The following AUH variants were observed in gnomAD, a reference collection of about 807,000 sequenced individuals.
The protein encoded by AUH is methylglutaconyl-CoA hydratase, mitochondrial.
In AUH, 29 loss-of-function variants were observed where a neutral mutation model predicts 42.3. The ratio of observed to expected loss-of-function variants is 0.69; its 90% CI spans 0.51 to 0.93. The LOEUF is 0.93. Ranked by LOEUF, AUH falls within the 40% of genes least tolerant of loss-of-function variation. The pLI is 0.00. For synonymous variants in AUH, 174 were observed against 166.4 expected, an observed-to-expected ratio of 1.05 and a Z score of -0.35; for missense variants, 452 against 438.1, an observed-to-expected ratio of 1.03 and a Z score of -0.28.
chr9:91,294,588 T>C (rs975641040), intron 6 of AUH: 2 of 405,264 alleles, frequency 4.9e-6, no homozygotes, highest in Admixed American at 2.8e-5. Flanking sequence ...CATAAGGCTA[T>C]AGCTGCCATA....
chr9:91,269,129 C>A (rs929814390), intron 6 of AUH, among the ~76,000 whole-genome samples: 1 of 152,054 alleles, frequency 6.6e-6, no homozygotes, highest in Non-Finnish European at 1.5e-5. Flanking sequence ...TACAGGCGTG[C>A]GCCACCATGC....
At chr9:91,236,537 T>C (rs922702606) in intron 6 of AUH, among the ~76,000 whole-genome samples, 3 of 152,024 alleles carry the variant, frequency 2.0e-5, no homozygotes, top group African/African-American at 4.8e-5. Context: ...AGGGAAATGA[T>C]TGAGAGTGAG....
At chr9:91,258,842 T>C (rs1829551038) in intron 6 of AUH, among the ~76,000 whole-genome samples, 1 of 152,236 alleles carries the variant, frequency 6.6e-6, no homozygotes, top group Admixed American at 6.5e-5. Context: ...CTGTTAAAAT[T>C]GTGAATTGTA....
chr9:91,230,915 C>A (rs7031965), intron 6 of AUH, among the ~76,000 whole-genome samples: 35,434 of 152,046 alleles, frequency 0.23, 4,517 homozygotes, highest in East Asian at 0.33. Context: ...GCCCGTTCTC[C>A]GATCTCCAGC....
At chr9:91,298,929 G>A (rs532128913) in intron 4 of AUH, among the ~76,000 whole-genome samples, 1 of 152,242 alleles carries the variant, frequency 6.6e-6, no homozygotes, top group Non-Finnish European at 1.5e-5. Context: ...TTTTAAAAAG[G>A]TAATATCGGC....
chr9:91,228,862 T>C (rs1396404759), intron 6 of AUH, among the ~76,000 whole-genome samples: 1 of 152,224 alleles, frequency 6.6e-6, no homozygotes, highest in East Asian at 1.9e-4. Context: ...AGTTGAGCAG[T>C]TTTGAGTGAG....
chr9:91,258,638 C>G (rs1441909075), intron 6 of AUH, among the ~76,000 whole-genome samples: 3 of 152,204 alleles, frequency 2.0e-5, no homozygotes, highest in African/African-American at 7.2e-5. Context: ...TTTACTTCCC[C>G]TTTTAGCAGA....
rs570505511 is a variant in AUH, at chr9:91,338,680, C to A, written c.419-13276G>T. The stretch of plus-strand genomic sequence containing the variant: ...TCCTGACCTCAGGTGATCCACCCAC[C>A]TGGGCCTCCCAAAGTGCTGGGAAGA... On this transcript the variant is annotated intron_variant, in intron 3 of 9. Coordinates refer to ENST00000375731, the MANE Select transcript of AUH (RefSeq NM_001698.3). Among the ~76,000 whole-genome samples the A allele has an allele frequency of 6.6e-5, 10 of 152,360 alleles. No individual in the cohort carries two copies. The South Asian group carries it at 2.1e-3, about 32-fold the overall frequency.
chr9:91,256,665 T>G (rs1295083074), intron 6 of AUH, among the ~76,000 whole-genome samples: 1 of 152,052 alleles, frequency 6.6e-6, no homozygotes, highest in Non-Finnish European at 1.5e-5. Context: ...CAGTGACAGC[T>G]GTCCCTGTGC....
At chr9:91,360,661 G>A (rs771842471) in intron 1 of AUH, among the ~76,000 whole-genome samples, 1 of 152,132 alleles carries the variant, frequency 6.6e-6, no homozygotes, top group Non-Finnish European at 1.5e-5. Flanking sequence ...CCTTTCAAAT[G>A]GCGAAACCCT....
At chr9:91,286,285 C>T (rs909741288) in intron 6 of AUH, among the ~76,000 whole-genome samples, 1 of 152,116 alleles carries the variant, frequency 6.6e-6, no homozygotes, top group African/African-American at 2.4e-5. Flanking sequence ...TGCCCTACTG[C>T]TGAACACAGC....
In AUH at chr9:91,361,593, C is replaced by A. The variant is rs758725158; in HGVS notation, c.262+35G>T. 4 of 1,561,518 alleles carry A rather than the reference C, an allele frequency of 2.6e-6. No individual in the cohort carries two copies. The South Asian group carries it at 3.5e-5, about 14-fold the overall frequency. ...CCCGTCCTGAGAGCGAGCGGCCGCCCGCTGCCCCGCGCCTGCCCAGCGTTC... is the reference window on the plus strand; with the variant it reads ...CCCGTCCTGAGAGCGAGCGGCCGCCAGCTGCCCCGCGCCTGCCCAGCGTTC... On this transcript the variant is annotated intron_variant, in intron 1 of 9. Transcript: ENST00000375731.
At chr9:91,314,154 AT>A (rs1028478615) in intron 4 of AUH, among the ~76,000 whole-genome samples, 2 of 152,034 alleles carry the variant, frequency 1.3e-5, no homozygotes, top group African/African-American at 4.8e-5. Flanking sequence ...ATGCAAAAGG[AT>A]TTTTCTCTCC....
chr9:91,221,459 G>A (rs796384792), intron 6 of AUH, among the ~76,000 whole-genome samples: 2 of 152,312 alleles, frequency 1.3e-5, no homozygotes, highest in African/African-American at 4.8e-5. Flanking sequence ...CGAATACATT[G>A]TAAACACATT....
chr9:91,216,629 C>T (rs917355935), intron 8 of AUH, among the ~76,000 whole-genome samples: 2 of 152,126 alleles, frequency 1.3e-5, no homozygotes, highest in Non-Finnish European at 2.9e-5. Context: ...TACTGCTATA[C>T]AGCCCAGGAA....
chr9:91,272,834 CA>C (rs1050281482), intron 6 of AUH, among the ~76,000 whole-genome samples: 1 of 151,420 alleles, frequency 6.6e-6, no homozygotes, highest in Admixed American at 6.6e-5. Flanking sequence ...ACTTACAAAC[CA>C]AAAAAAACTT....
chr9:91,312,426 C>G (rs952099360), intron 4 of AUH, among the ~76,000 whole-genome samples: 1 of 152,178 alleles, frequency 6.6e-6, no homozygotes, highest in Non-Finnish European at 1.5e-5. Context: ...ACAGCCAGCT[C>G]ACAAAATTTC....
intron 4 of AUH, among the ~76,000 whole-genome samples, chr9:91,310,014 C>T (rs1275613740): frequency 3.9e-5 from 6 of 152,228 alleles, no homozygotes; most frequent in Middle Eastern, 3.4e-3. Context: ...ATTCTGATGA[C>T]TCCCAAGTTC....
chr9:91,227,686 G>T, intron 6 of AUH, among the ~76,000 whole-genome samples: 1 of 147,908 alleles, frequency 6.8e-6, no homozygotes, highest in African/African-American at 2.5e-5. Flanking sequence ...ATTGGCTGTG[G>T]GTTTGTCATA....
Sources: allele counts gnomAD v4.1 joint callset (sites outside exome capture counted in the v4.1 genomes callset), GRCh38; gene constraint gnomAD v4.1.1; transcripts MANE v1.5; gene names NCBI Gene and HGNC (gene_info 2026-07-23, HGNC 2026-07-21).